The following EXTL3 variants were observed in gnomAD, a reference collection of about 807,000 sequenced individuals.
The protein encoded by EXTL3 is exostosin-like 3.
EXTL3 carries 27 observed loss-of-function variants against 69.3 expected under a neutral mutation model. The ratio of observed to expected loss-of-function variants is 0.39; its 90% confidence interval spans 0.29 to 0.54. The LOEUF is 0.54. EXTL3 is among the 20% of genes least tolerant of loss of function. The pLI, the probability that EXTL3 is intolerant of heterozygous loss-of-function variation, is 0.69. For missense variants in EXTL3, 1,003 were observed against 1,231.8 expected, an observed-to-expected ratio of 0.81 and a Z score of 2.78; for synonymous variants, 511 against 499.4, an observed-to-expected ratio of 1.02 and a Z score of -0.31.
At chr8:28,698,685 C>T (rs1295038470), upstream of EXTL3, among the ~76,000 whole-genome samples, 1 of 151,688 alleles carries the variant, frequency 6.6e-6, no homozygotes, top group Non-Finnish European at 1.5e-5. Context: ...CCCGTCTCTA[C>T]AAAAAAACAA....
intron 1 of EXTL3, among the ~76,000 whole-genome samples, chr8:28,705,252 G>A (rs1319392081): frequency 6.6e-6 from 1 of 152,190 alleles, no homozygotes; most frequent in East Asian, 1.9e-4. Flanking sequence ...AGGTCATCCG[G>A]TCTAACCCCT....
intron 1 of EXTL3, among the ~76,000 whole-genome samples, chr8:28,625,682 C>G (rs902984332): frequency 6.6e-6 from 1 of 152,058 alleles, no homozygotes; most frequent in African/African-American, 2.4e-5. Flanking sequence ...CTTTAAGAAG[C>G]TGATCTAGTT....
At chr8:28,634,490 G>A (rs577609370) in intron 1 of EXTL3, among the ~76,000 whole-genome samples, 2 of 152,124 alleles carry the variant, frequency 1.3e-5, no homozygotes, top group South Asian at 2.1e-4. Context: ...CCAACCTGGC[G>A]GAATCCTCAG....
chr8:28,669,608 A>G (rs1807253561), intron 1 of EXTL3, among the ~76,000 whole-genome samples: 1 of 152,204 alleles, frequency 6.6e-6, no homozygotes, highest in South Asian at 2.1e-4. Flanking sequence ...GTAGTAGCTC[A>G]CATAGAAGCT....
chr8:28,676,757 C>T (rs984504812), intron 1 of EXTL3, among the ~76,000 whole-genome samples: 7 of 152,144 alleles, frequency 4.6e-5, no homozygotes, highest in African/African-American at 1.7e-4. Flanking sequence ...AGGAAGATCG[C>T]CCAAAGTGGT....
chr8:28,645,405 C>T (rs1189871861), intron 1 of EXTL3, among the ~76,000 whole-genome samples: 1 of 152,106 alleles, frequency 6.6e-6, no homozygotes, highest in Admixed American at 6.6e-5. Context: ...GGATTTAACA[C>T]ATAAGTACAA....
chr8:28,633,211 G>A (rs1015392733), intron 1 of EXTL3, among the ~76,000 whole-genome samples: 1 of 151,866 alleles, frequency 6.6e-6, no homozygotes, highest in Non-Finnish European at 1.5e-5. Flanking sequence ...GTTGGCGCAC[G>A]CCTGTATTCA....
chr8:28,669,066 G>A (rs969288626), intron 1 of EXTL3, among the ~76,000 whole-genome samples: 11 of 151,932 alleles, frequency 7.2e-5, no homozygotes, highest in Non-Finnish European at 1.0e-4. Context: ...GTTTCACCAT[G>A]TTGGCCAGGC....
intron 1 of EXTL3, among the ~76,000 whole-genome samples, chr8:28,668,324 C>CTTTTTTTTTT (rs71549687): frequency 2.4e-5 from 2 of 82,552 alleles, no homozygotes; most frequent in African/African-American, 5.3e-5. Context: ...AGAGTTGTTA[C>CTTTTTTTTTT]TTTTTTTTTT....
rs375124399 is a variant in EXTL3 at position 28,751,639 on chromosome 8, T to G, written c.*773T>G. 7 of 151,776 alleles carry G rather than the reference T, an allele frequency of 4.6e-5. No individual in the cohort carries two copies. The highest frequency in any genetic ancestry group is 1.7e-4 in the African/African-American group (7 of 40,960). 9.4% of individuals were successfully genotyped at this position (151,776 alleles called of 1,614,324 possible). On this transcript the variant is annotated 3_prime_UTR_variant, in exon 7 of 7. Transcript: ENST00000220562. ...CCAGCGATTTTTGAGGATTTATCTTTAGGCCAGGCTTGCCTCCGTACTTAT... is the reference window on the plus strand; with the variant it reads ...CCAGCGATTTTTGAGGATTTATCTTGAGGCCAGGCTTGCCTCCGTACTTAT...
intron 1 of EXTL3, among the ~76,000 whole-genome samples, chr8:28,691,765 C>T (rs1320917688): frequency 2.0e-5 from 3 of 151,668 alleles, no homozygotes; most frequent in African/African-American, 4.9e-5. Context: ...GGCGTGGTGG[C>T]GCGAGCCTGT....
intron 1 of EXTL3, among the ~76,000 whole-genome samples, chr8:28,681,106 C>T (rs1175432529): frequency 1.3e-5 from 2 of 151,758 alleles, no homozygotes; most frequent in African/African-American, 2.4e-5. Flanking sequence ...AAACTCCTGA[C>T]CTTGTGATCC....
At position 28,663,757 on chromosome 8, in the gene EXTL3, A is replaced by G. The variant is rs569812638; in HGVS notation, c.-53+40947A>G. 2.0e-5 allele frequency among the ~76,000 whole-genome samples: 3 copies of G among 152,148 alleles called. No individual in the cohort carries two copies. In the South Asian group the frequency reaches 6.2e-4, roughly 32 times the overall value. On this transcript the variant is annotated intron_variant, in intron 1 of 6. Transcript: ENST00000523149. ...GTGAGCCACTGTGCCTGGCCTGAAG[A>G]CCACTATTCTTTGAAACCCCTAATC...
At chr8:28,664,868 C>G (rs548734592) in intron 1 of EXTL3, among the ~76,000 whole-genome samples, 2 of 152,134 alleles carry the variant, frequency 1.3e-5, no homozygotes, top group East Asian at 3.9e-4. Flanking sequence ...ACATTGTAAT[C>G]TGAAGATGAG....
chr8:28,623,654 C>T lies in EXTL3; in HGVS notation c.-53+844C>T, dbSNP rs1292934303. 6.6e-6 allele frequency among the ~76,000 whole-genome samples: 1 copy of T among 152,154 alleles called. No individual in the cohort carries two copies. Among genetic ancestry groups the T allele is most frequent in the Non-Finnish European group, 1.5e-5 (1 of 68,042 alleles). Reference sequence around the variant, plus strand: ...CACGTGTGTCTTTTGATCCTTATCCCCCATGTAACATAATTCATGTTTTTA... The same window carrying T: ...CACGTGTGTCTTTTGATCCTTATCCTCCATGTAACATAATTCATGTTTTTA... On this transcript the variant is annotated intron_variant, in intron 1 of 6. Coordinates refer to the EXTL3 transcript ENST00000523149. This position sits in a 1 kb window ranked among gnomAD's most constrained non-coding sequence, Gnocchi z 4.2.
In EXTL3 at chr8:28,717,114, C is replaced by G. The variant is rs1283380200; in HGVS notation, c.1055C>G (p.Ser352Cys). 6.2e-7 allele frequency: 1 copy of G among 1,614,248 alleles called. No individual in the cohort carries two copies. The highest frequency in any genetic ancestry group is 1.7e-5 in the Admixed American group (1 of 60,026). ...LFTFQGEKIE[S>C]LRSSLQEARS... Reference sequence around the variant, plus strand: ...ACCTTCCAGGGCGAGAAGATTGAGTCTCTGAGGTCTAGCCTTCAGGAGGCC... The same window carrying G: ...ACCTTCCAGGGCGAGAAGATTGAGTGTCTGAGGTCTAGCCTTCAGGAGGCC... The change falls in exon 3 of 7, where the codon TCT becomes TGT. Residue 352 changes from serine (S) to cysteine (C), a missense_variant. Ser to Cys is a moderately radical substitution (Grantham distance 112). Coordinates refer to ENST00000220562, the MANE Select transcript of EXTL3 (RefSeq NM_001440.4). This position sits in a 1 kb window ranked among gnomAD's most constrained non-coding sequence, Gnocchi z 8.3.
chr8:28,718,255 A>C, intron 3 of EXTL3, 48 bp downstream of exon 3: 8 of 1,568,558 alleles, frequency 5.1e-6, no homozygotes, highest in Non-Finnish European at 7.0e-6. Context: ...ATAGTATTTC[A>C]CTCTTAATCC....
intron 1 of EXTL3, among the ~76,000 whole-genome samples, chr8:28,678,636 C>A (rs767335243): frequency 6.6e-6 from 1 of 152,194 alleles, no homozygotes; most frequent in Non-Finnish European, 1.5e-5. Context: ...GTGCAGCCTG[C>A]AGAACCACGA....
At chr8:28,747,217 C>T (rs1801905878) in intron 6 of EXTL3, among the ~76,000 whole-genome samples, 1 of 152,146 alleles carries the variant, frequency 6.6e-6, no homozygotes, top group South Asian at 2.1e-4. Flanking sequence ...GATTCCTGAC[C>T]CCTACATCCT....
Sources: allele counts gnomAD v4.1 joint callset (sites outside exome capture counted in the v4.1 genomes callset), GRCh38; gene constraint gnomAD v4.1.1; non-coding constraint Gnocchi (gnomAD v3.1); transcripts MANE v1.5; gene names NCBI Gene and HGNC (gene_info 2026-07-23, HGNC 2026-07-21).